The following HIVEP1 variants were observed in gnomAD, a reference collection of about 807,000 sequenced individuals.
HIVEP1 encodes zinc finger protein 40.
In HIVEP1, 36 loss-of-function variants were observed where a neutral mutation model predicts 180.0. The observed-to-expected ratio is 0.20, with a 90% CI of 0.15 to 0.26. The LOEUF (loss-of-function observed/expected upper bound fraction) is 0.26, where lower values mean the gene tolerates loss of function less well. Ranked by LOEUF, HIVEP1 falls within the 10% of genes least tolerant of loss-of-function variation. HIVEP1 has a pLI of 1.00. For missense variants in HIVEP1, 3,143 were observed against 3,268.7 expected, an observed-to-expected ratio of 0.96 and a Z score of 0.94; for synonymous variants, 1,239 against 1,239.0, an observed-to-expected ratio of 1.00 and a Z score of 0.00.
the HIVEP1 span, among the ~76,000 whole-genome samples, chr6:12,179,948 T>C: frequency 1.9e-3 from 294 of 152,280 alleles, 1 homozygote; most frequent in African/African-American, 6.6e-3. Context: ...TAAACAGCTA[T>C]GACATGAATT....
At chr6:12,015,051 GAA>G (rs1258497900) in intron 1 of HIVEP1, among the ~76,000 whole-genome samples, 1 of 152,230 alleles carries the variant, frequency 6.6e-6, no homozygotes, top group Non-Finnish European at 1.5e-5. Context: ...ACGTTCCTGG[GAA>G]ACACAGGGAA....
intron 2 of HIVEP1, among the ~76,000 whole-genome samples, chr6:12,039,683 A>G (rs1468038252): frequency 6.6e-6 from 1 of 152,208 alleles, no homozygotes; most frequent in East Asian, 1.9e-4. Flanking sequence ...GATTGCAAAG[A>G]GTAGAAGTAG....
At chr6:12,011,781 G>A (rs1475938923), upstream of HIVEP1, among the ~76,000 whole-genome samples, 1 of 148,324 alleles carries the variant, frequency 6.7e-6, no homozygotes, top group Admixed American at 6.7e-5. Flanking sequence ...GGTCAGAGCT[G>A]GCGGCCGCGC....
At chr6:12,131,779 T>TAAAAAAAAA (rs143910763) in intron 6 of HIVEP1, among the ~76,000 whole-genome samples, 41 of 90,654 alleles carry the variant, frequency 4.5e-4, no homozygotes, top group East Asian at 2.2e-3. Flanking sequence ...GAGAAAACAG[T>TAAAAAAAAA]AAAAAAAAAA....
downstream of HIVEP1, among the ~76,000 whole-genome samples, chr6:12,166,011 G>T (rs1302833759): frequency 6.6e-6 from 1 of 152,116 alleles, no homozygotes; most frequent in Non-Finnish European, 1.5e-5. Context: ...TATTTCCATA[G>T]ATTAAGTAAC....
the HIVEP1 span, among the ~76,000 whole-genome samples, chr6:12,211,362 T>C: frequency 9.9e-6 from 1 of 100,740 alleles, no homozygotes; most frequent in Admixed American, 9.7e-5. Context: ...ATCGCGCCAC[T>C]GCACTCCAGC....
chr6:12,167,574 A>C (rs1760736860), downstream of HIVEP1, among the ~76,000 whole-genome samples: 1 of 10,058 alleles, frequency 9.9e-5, no homozygotes, highest in African/African-American at 2.4e-4. Context: ...CATGCATGTT[A>C]TATATACGTT....
chr6:12,198,859 A>G, the HIVEP1 span, among the ~76,000 whole-genome samples: 52 of 152,378 alleles, frequency 3.4e-4, no homozygotes, highest in Non-Finnish European at 5.4e-4. Flanking sequence ...GGAAGTATCT[A>G]GAATACTGTT....
chr6:12,055,147 T>C (rs754184786), intron 2 of HIVEP1, among the ~76,000 whole-genome samples: 1 of 152,242 alleles, frequency 6.6e-6, no homozygotes, highest in African/African-American at 2.4e-5. Flanking sequence ...TTTTAGAATG[T>C]ATACTTGAGG....
At chr6:12,042,305 T>C (rs995412214) in intron 2 of HIVEP1, among the ~76,000 whole-genome samples, 1 of 149,254 alleles carries the variant, frequency 6.7e-6, no homozygotes, top group African/African-American at 2.5e-5. Flanking sequence ...ATGGTCTCCA[T>C]CTCCTGACCT....
chr6:12,103,189 A>G (rs1357194299), intron 3 of HIVEP1, among the ~76,000 whole-genome samples: 1 of 68,926 alleles, frequency 1.5e-5, no homozygotes, highest in Non-Finnish European at 3.6e-5. Context: ...ATTATGTAAT[A>G]ATAATAATAA....
chr6:12,112,726 G>A (rs1561951788), intron 3 of HIVEP1, among the ~76,000 whole-genome samples: 1 of 152,088 alleles, frequency 6.6e-6, no homozygotes, highest in Non-Finnish European at 1.5e-5. Flanking sequence ...TTCCCCCACA[G>A]GGCTGGGCTT....
At chr6:12,102,788 A>C (rs1238915520) in intron 3 of HIVEP1, among the ~76,000 whole-genome samples, 1 of 152,224 alleles carries the variant, frequency 6.6e-6, no homozygotes, top group African/African-American at 2.4e-5. Flanking sequence ...TCATTTTCTT[A>C]AGGTAGAGTC....
intron 2 of HIVEP1, among the ~76,000 whole-genome samples, chr6:12,078,282 T>C (rs572081420): frequency 1.4e-5 from 1 of 73,778 alleles, no homozygotes; most frequent in Non-Finnish European, 3.1e-5. Flanking sequence ...TGGTCTGTGT[T>C]TCGTTTGACT....
chr6:12,014,074 A>G (rs1006525780), intron 1 of HIVEP1, among the ~76,000 whole-genome samples: 1 of 152,204 alleles, frequency 6.6e-6, no homozygotes, highest in African/African-American at 2.4e-5. Context: ...AGCGTCTACA[A>G]TGTTTAGTTT....
chr6:12,017,818 C>T (rs1316720851), intron 2 of HIVEP1, among the ~76,000 whole-genome samples: 5 of 152,236 alleles, frequency 3.3e-5, no homozygotes, highest in Non-Finnish European at 7.3e-5. Context: ...CTTAGCTAGA[C>T]ATAAAGTTTC....
At position 12,124,311 on chromosome 6, in the gene HIVEP1, G is replaced by T; in HGVS notation, c.4516G>T (p.Val1506Phe). 1 of 1,614,012 alleles carries T rather than the reference G, an allele frequency of 6.2e-7. No homozygotes were observed. Residue 1506 changes from valine to phenylalanine, a missense_variant, in exon 4 of 9, where the codon GTT (valine) becomes TTT (phenylalanine). Around this residue, in one of 12 missense-constraint regions of HIVEP1, gnomAD observed 1,357 missense variants for 1,260.5 expected, o/e 1.08. Transcript: ENST00000379388. ...CTCCAGCTCTACCAACGTTTTTCCT[G>T]TTCAACAGCTCTGTGATATCAATTT... is the stretch of plus-strand genomic sequence containing the variant. ...SNSSSTNVFPVQQLCDINLLN... is the reference protein window; with the variant it reads ...SNSSSTNVFPFQQLCDINLLN...
intron 2 of HIVEP1, among the ~76,000 whole-genome samples, chr6:12,066,794 A>C (rs1432067115): frequency 3.9e-5 from 6 of 152,162 alleles, no homozygotes; most frequent in Non-Finnish European, 1.5e-5. Flanking sequence ...TCAAGGTAAC[A>C]GTGAAAACGA....
intron 2 of HIVEP1, among the ~76,000 whole-genome samples, chr6:12,081,526 C>A (rs760905354): frequency 4.6e-5 from 7 of 152,070 alleles, no homozygotes; most frequent in Non-Finnish European, 1.0e-4. Context: ...CTTTTCCTTC[C>A]CTCTGGCCTC....
Sources: gnomAD v4.1 joint callset for allele counts (sites outside exome capture counted in the v4.1 genomes callset) on GRCh38, gnomAD v4.1.1 for gene constraint, gnomAD v4.1.1 regional missense constraint, MANE v1.5 for transcripts, NCBI Gene and HGNC (gene_info 2026-07-23, HGNC 2026-07-21) for gene names.